Variants in PASD1 observed in about 807,000 individuals in gnomAD.
PASD1 encodes the protein PAS domain containing repressor 1.
A neutral mutation model predicts 58.8 loss-of-function variants in PASD1; 13 were observed. The observed-to-expected ratio is 0.22, with a 90% confidence interval of 0.14 to 0.35. PASD1 has a LOEUF of 0.35. Among genes scored for constraint, PASD1 ranks in the 10% least tolerant of loss-of-function variants. The probability of loss-of-function intolerance (pLI) is 1.00; values close to 1 mark genes in which losing one functional copy is unlikely to be tolerated. For synonymous variants in PASD1, 236 were observed against 216.7 expected (o/e 1.09, Z -0.78); for missense variants, 734 against 568.3 (o/e 1.29, Z -2.96).
chrX:151,580,262 C>T (rs1175215350), intron 1 of PASD1, among the ~76,000 whole-genome samples: 1 of 112,054 alleles, frequency 8.9e-6, no homozygotes, highest in African/African-American at 3.2e-5. Context: ...CCAGAGTCAG[C>T]CACAGAGTCC....
At chrX:151,661,866 T>C (rs2014316802) in intron 10 of PASD1, among the ~76,000 whole-genome samples, 1 of 112,463 alleles carries the variant, frequency 8.9e-6, no homozygotes, top group African/African-American at 3.2e-5. Flanking sequence ...GATTGAGGTC[T>C]TGCATTTTGG....
chrX:151,617,964 A>G (rs2013658474), intron 4 of PASD1, among the ~76,000 whole-genome samples: 1 of 112,211 alleles, frequency 8.9e-6, no homozygotes, highest in Non-Finnish European at 1.9e-5. Context: ...AGATGAGTGA[A>G]TGAATGAGTG....
At chrX:151,675,491 G>A (rs1416369072) in intron 15 of PASD1, among the ~76,000 whole-genome samples, 1 of 112,014 alleles carries the variant, frequency 8.9e-6, no homozygotes, top group Middle Eastern at 4.2e-3. Context: ...ATAACCCAAG[G>A]AATCCCTCCT....
At chrX:151,604,304 C>A (rs749074661) in intron 2 of PASD1, among the ~76,000 whole-genome samples, 5 of 111,499 alleles carry the variant, frequency 4.5e-5, no homozygotes, top group Non-Finnish European at 7.5e-5. Flanking sequence ...TGCTTAGAAC[C>A]CCTTGACTTA....
At chrX:151,622,232 A>G (rs1028745973) in intron 6 of PASD1, among the ~76,000 whole-genome samples, 1 of 111,294 alleles carries the variant, frequency 9.0e-6, no homozygotes, top group Non-Finnish European at 1.9e-5. Context: ...CTGCAAGCTG[A>G]GAAATTAACA....
At chrX:151,582,392 C>T (rs1385053419) in intron 1 of PASD1, among the ~76,000 whole-genome samples, 2 of 111,278 alleles carry the variant, frequency 1.8e-5, no homozygotes, top group Non-Finnish European at 3.8e-5. Context: ...AGTGATCCTC[C>T]TGCCTCAGCC....
intron 11 of PASD1, among the ~76,000 whole-genome samples, chrX:151,664,809 A>G (rs1230100089): frequency 1.8e-5 from 2 of 112,122 alleles, no homozygotes; most frequent in Non-Finnish European, 3.8e-5. Context: ...TTAGGTTAGA[A>G]CATGCATTTC....
At chrX:151,574,286 G>A (rs1180139543) in intron 1 of PASD1, among the ~76,000 whole-genome samples, 1 of 112,406 alleles carries the variant, frequency 8.9e-6, no homozygotes. Context: ...AGTGGCTCCA[G>A]TTCATGTCAC....
intron 9 of PASD1, among the ~76,000 whole-genome samples, chrX:151,658,971 G>T (rs2014278923): frequency 8.9e-6 from 1 of 111,776 alleles, no homozygotes; most frequent in Non-Finnish European, 1.9e-5. Context: ...CTTAAAGGTA[G>T]CCAGGCTTAG....
intron 11 of PASD1, among the ~76,000 whole-genome samples, chrX:151,667,924 A>T (rs2014406354): frequency 8.9e-6 from 1 of 111,797 alleles, no homozygotes; most frequent in African/African-American, 3.3e-5. Context: ...GAAGAAAGCC[A>T]TTGGTAGCTT....
intron 9 of PASD1, among the ~76,000 whole-genome samples, chrX:151,649,496 A>G (rs182509609): frequency 1.0e-3 from 117 of 111,880 alleles, no homozygotes; most frequent in African/African-American, 3.6e-3. Flanking sequence ...AGTAGTAATA[A>G]TAATCTCTGC....
At position 151,617,096 on chromosome X, in the gene PASD1, A is replaced by G. The variant is rs765038376; in HGVS notation, c.208-3834A>G. ...AATATTTGTGTGACAACTAATAGAT[A>G]TTTGCAAACTTGGCTTTTGAAAAAC... On this transcript the variant is annotated intron_variant, in intron 4 of 15. Transcript: ENST00000370357. Among the ~76,000 whole-genome samples, 17 of 111,507 alleles carry G rather than the reference A, an allele frequency of 1.5e-4. No homozygotes were observed. The South Asian group carries it at 4.6e-3, about 30-fold the overall frequency.
chrX:151,610,070 C>T (rs767804202), intron 3 of PASD1, among the ~76,000 whole-genome samples: 119 of 111,165 alleles, frequency 1.1e-3, no homozygotes, highest in African/African-American at 3.8e-3. Context: ...TTTGGGCTTC[C>T]TGAATCTTAA....
intron 8 of PASD1, among the ~76,000 whole-genome samples, chrX:151,627,833 T>C (rs1039151408): frequency 6.3e-5 from 7 of 111,565 alleles, no homozygotes; most frequent in Non-Finnish European, 1.3e-4. Context: ...AGTGTAAAAG[T>C]GTTCCTATTT....
chrX:151,591,769 T>C (rs1483380007), intron 1 of PASD1, among the ~76,000 whole-genome samples: 1 of 111,372 alleles, frequency 9.0e-6, no homozygotes. Context: ...ATTTTGAGTG[T>C]GTGCTCTGTG....
chrX:151,672,219 C>CAGCAGCGGCAGCTGCGGG lies in PASD1; in HGVS notation c.1481_1498dup (p.Arg494_Gln499dup), dbSNP rs974623221. On this transcript the variant is annotated inframe_insertion, in exon 14 of 16. Transcript: ENST00000370357. ...GCAGCAAGAACAACACCTGAAGGAG[C>CAGCAGCGGCAGCTGCGGG]AGCAGCGGCAGCTGCGGGAGCAGCT... is the stretch of plus-strand genomic sequence containing the variant. The CAGCAGCGGCAGCTGCGGG allele has an allele frequency of 1.4e-5, 16 of 1,135,740 alleles. No homozygotes were observed. The highest frequency in any genetic ancestry group is 3.7e-5 in the African/African-American group (2 of 54,676). The allele number at this position is 1,135,740 out of a possible 1,213,427, so 93.6% of individuals were successfully genotyped here. A position where few individuals can be genotyped will look rare whatever the true frequency, so the allele number is the denominator to read the frequency against.
At chrX:151,652,550 A>AAAAC (rs1300707216) in intron 9 of PASD1, among the ~76,000 whole-genome samples, 5 of 109,400 alleles carry the variant, frequency 4.6e-5, no homozygotes, top group African/African-American at 1.7e-4. Flanking sequence ...AAAAAAACAA[A>AAAAC]AAACAAACAA....
intron 9 of PASD1, among the ~76,000 whole-genome samples, chrX:151,657,391 A>C (rs2014255903): frequency 9.0e-6 from 1 of 111,361 alleles, no homozygotes; most frequent in African/African-American, 3.3e-5. Flanking sequence ...GTTAGGGAGG[A>C]TTCCCTCTTT....
chrX:151,580,508 C>CTTTTTTTTTTTTTT (rs200293926), intron 1 of PASD1, among the ~76,000 whole-genome samples: 1 of 67,179 alleles, frequency 1.5e-5, no homozygotes, highest in African/African-American at 5.1e-5. Flanking sequence ...TTCTTTTTTT[C>CTTTTTTTTTTTTTT]TTTTTTTTTT....
Sources: allele counts gnomAD v4.1 joint callset (sites outside exome capture counted in the v4.1 genomes callset), GRCh38; gene constraint gnomAD v4.1.1; transcripts MANE v1.5; gene names NCBI Gene and HGNC (gene_info 2026-07-23, HGNC 2026-07-21).